SLC25A36: variants seen among roughly 807,000 people sequenced by gnomAD.
SLC25A36 encodes epididymis secretory sperm binding protein.
In SLC25A36, 24 loss-of-function variants were observed where a neutral mutation model predicts 35.3. The ratio of observed to expected loss-of-function variants is 0.68; its 90% CI spans 0.49 to 0.96. The LOEUF (loss-of-function observed/expected upper bound fraction) is 0.96. Among genes scored for constraint, SLC25A36 ranks in the 40% least tolerant of loss-of-function variants. SLC25A36 has a pLI of 0.00. For synonymous variants in SLC25A36, 141 were observed against 132.2 expected, an observed-to-expected ratio of 1.07 and a Z score of -0.46; for missense variants, 294 against 381.1, an observed-to-expected ratio of 0.77 and a Z score of 1.90.
intron 1 of SLC25A36, among the ~76,000 whole-genome samples, chr3:140,951,831 T>TG (rs1357329789): frequency 1.3e-5 from 2 of 151,926 alleles, no homozygotes; most frequent in African/African-American, 2.4e-5. Flanking sequence ...GTTTTGTTGT[T>TG]GTTGTTGTTG....
At chr3:140,949,442 A>G (rs1022722505) in intron 1 of SLC25A36, among the ~76,000 whole-genome samples, 3 of 152,224 alleles carry the variant, frequency 2.0e-5, no homozygotes. Flanking sequence ...GTGATACCAT[A>G]TTAAACAATT....
chr3:140,971,646 G>C (rs1403688451), intron 5 of SLC25A36, among the ~76,000 whole-genome samples: 1 of 152,098 alleles, frequency 6.6e-6, no homozygotes, highest in African/African-American at 2.4e-5. Flanking sequence ...TAAAGTGTAG[G>C]GCCTTTGGTG....
At chr3:140,966,306 T>C in intron 4 of SLC25A36, 1 of 301,248 alleles carries the variant, frequency 3.3e-6, no homozygotes, top group South Asian at 2.9e-5. Flanking sequence ...AGATGTTTTG[T>C]GTGTTTGTGT....
chr3:140,968,794 G>A, intron 4 of SLC25A36: 1 of 659,456 alleles, frequency 1.5e-6, no homozygotes, highest in Non-Finnish European at 1.9e-6. Context: ...AAACTTAGGT[G>A]CTCATCTTCT....
At chr3:140,957,482 C>G (rs917859535) in intron 2 of SLC25A36, among the ~76,000 whole-genome samples, 1 of 152,142 alleles carries the variant, frequency 6.6e-6, no homozygotes, top group African/African-American at 2.4e-5. Flanking sequence ...TGGCTCACGC[C>G]CATAATCCCA....
chr3:140,978,467 C>G lies in SLC25A36; in HGVS notation c.*2014C>G, dbSNP rs1424949094. The G allele has an allele frequency of 1.3e-5, 2 of 152,120 alleles. No individual in the cohort carries two copies. Among genetic ancestry groups the G allele is most frequent in the East Asian group, 3.8e-4 (2 of 5,206 alleles). The allele number at this position is 152,120 out of a possible 1,614,324, so 9.4% of individuals were successfully genotyped here. A position where few individuals can be genotyped will look rare whatever the true frequency, so the allele number is the denominator to read the frequency against. On this transcript the variant is annotated 3_prime_UTR_variant, in exon 7 of 7. Coordinates refer to ENST00000324194, the MANE Select transcript of SLC25A36 (RefSeq NM_001104647.3). ...TTGTGTTGAATGTAAGATAGAGACT[C>G]TCCCTAGTCTTACTGATCTCAGTAC...
chr3:140,946,937 G>C (rs1018670260), intron 1 of SLC25A36, among the ~76,000 whole-genome samples: 1 of 152,148 alleles, frequency 6.6e-6, no homozygotes, highest in Non-Finnish European at 1.5e-5. Flanking sequence ...AGATCACTAA[G>C]GGAGTGAATA....
intron 4 of SLC25A36, among the ~76,000 whole-genome samples, chr3:140,969,700 T>C (rs1934852161): frequency 6.6e-6 from 1 of 151,862 alleles, no homozygotes; most frequent in Non-Finnish European, 1.5e-5. Flanking sequence ...ATTTTGCATA[T>C]GTAGATACAC....
chr3:140,956,558 T>A lies in SLC25A36; in HGVS notation c.73T>A (p.Cys25Ser). 6.2e-7 allele frequency: 1 copy of A among 1,611,730 alleles called. No individual in the cohort carries two copies. The highest frequency in any genetic ancestry group is 8.5e-7 in the Non-Finnish European group (1 of 1,179,460). Residue 25 changes from cysteine (C) to serine (S), a missense_variant, in exon 2 of 7, where the codon TGT (cysteine) becomes AGT (serine). Coordinates refer to ENST00000324194, the MANE Select transcript of SLC25A36 (RefSeq NM_001104647.3). ...CGGTVGAILT[C>S]PLEVVKTRLQ... ...TGGTACAGTGGGAGCTATTCTGACA[T>A]GTCCACTGGAAGTTGTAAAAACACG...
rs1310762924 is a variant in SLC25A36, at chr3:140,978,019, T to C, written c.*1566T>C. The C allele has an allele frequency of 6.6e-6, 1 of 152,064 alleles. No individual in the cohort carries two copies. Among genetic ancestry groups the C allele is most frequent in the Non-Finnish European group, 1.5e-5 (1 of 68,000 alleles). 9.4% of individuals were successfully genotyped at this position (152,064 alleles called of 1,614,324 possible). A position where few individuals can be genotyped will look rare whatever the true frequency, so the allele number is the denominator to read the frequency against. The stretch of plus-strand genomic sequence containing the variant: ...GGTTTTAAATATGTTGTTTCGGATA[T>C]CCTTAATATAAATGTTTTAGGTATT... On this transcript the variant is annotated 3_prime_UTR_variant, in exon 7 of 7. Transcript: ENST00000324194.
chr3:140,945,902 T>C (rs1934151576), intron 1 of SLC25A36, among the ~76,000 whole-genome samples: 2 of 152,190 alleles, frequency 1.3e-5, no homozygotes. Context: ...TGGTTCTGCG[T>C]TGTTTCAATT....
intron 1 of SLC25A36, among the ~76,000 whole-genome samples, chr3:140,942,893 A>G (rs1212545465): frequency 6.6e-6 from 1 of 152,134 alleles, no homozygotes; most frequent in Admixed American, 6.5e-5. Context: ...ATTCCTTTCG[A>G]GAAAACCACC....
At chr3:140,947,538 C>T (rs1015010124) in intron 1 of SLC25A36, among the ~76,000 whole-genome samples, 15 of 151,972 alleles carry the variant, frequency 9.9e-5, no homozygotes, top group East Asian at 3.8e-4. Flanking sequence ...CCTAGCTTTA[C>T]GAAAACCAAA....
chr3:140,953,459 G>GTT (rs1934384542), intron 1 of SLC25A36, among the ~76,000 whole-genome samples: 1 of 151,700 alleles, frequency 6.6e-6, no homozygotes, highest in East Asian at 1.9e-4. Context: ...TTTTTGAAGT[G>GTT]TTAAGCTTAT....
chr3:140,971,977 C>T lies in SLC25A36; in HGVS notation c.452+984C>T, dbSNP rs146133768. On this transcript the variant is annotated intron_variant, in intron 5 of 6. Transcript: ENST00000324194. ...GTTTTCCATCTTCTGTTATGTTGAA[C>T]TATATACTATTTGGAAACTTGAAAA... 4.6e-5 allele frequency among the ~76,000 whole-genome samples: 7 copies of T among 152,238 alleles called. No homozygotes were observed. The East Asian group carries it at 1.3e-3, about 29-fold the overall frequency.
intron 1 of SLC25A36, among the ~76,000 whole-genome samples, chr3:140,955,430 A>G (rs1189301464): frequency 6.6e-6 from 1 of 152,218 alleles, no homozygotes; most frequent in African/African-American, 2.4e-5. Context: ...GTTAGAAAGC[A>G]GTTCTAAAGG....
intron 6 of SLC25A36, among the ~76,000 whole-genome samples, chr3:140,975,114 T>TTTTG (rs1935007624): frequency 9.3e-6 from 1 of 107,202 alleles, no homozygotes; most frequent in African/African-American, 3.3e-5. Flanking sequence ...TTTTTTTTTT[T>TTTTG]TTTTTTTTTT....
At chr3:140,962,134 A>C (rs933766347) in intron 3 of SLC25A36, among the ~76,000 whole-genome samples, 1 of 152,024 alleles carries the variant, frequency 6.6e-6, no homozygotes, top group Non-Finnish European at 1.5e-5. Flanking sequence ...CTAGAAATGC[A>C]TTGTTTATTC....
chr3:140,970,254 A>G (rs1410501477), intron 4 of SLC25A36: 2 of 151,968 alleles, frequency 1.3e-5, no homozygotes, highest in Non-Finnish European at 2.9e-5. Flanking sequence ...CATGTCTATA[A>G]AAGAGGGAAC....
Sources: allele counts gnomAD v4.1 joint callset (sites outside exome capture counted in the v4.1 genomes callset), GRCh38; gene constraint gnomAD v4.1.1; transcripts MANE v1.5; gene names NCBI Gene and HGNC (gene_info 2026-07-23, HGNC 2026-07-21).